NPLOC4: variants seen among roughly 807,000 people sequenced by gnomAD.
The protein encoded by NPLOC4 is nuclear protein localization protein 4 homolog.
In NPLOC4, 18 loss-of-function variants were observed where a neutral mutation model predicts 80.6. The observed-to-expected ratio is 0.22, with a 90% CI of 0.15 to 0.33. The LOEUF (loss-of-function observed/expected upper bound fraction) is 0.33, where lower values mean the gene tolerates loss of function less well. Among genes scored for constraint, NPLOC4 ranks in the 10% least tolerant of loss-of-function variants. The pLI is 1.00. For synonymous variants in NPLOC4, 313 were observed against 301.5 expected (o/e 1.04, Z -0.39); for missense variants, 540 against 786.1 (o/e 0.69, Z 3.74).
Position 81,606,701 on chromosome 17 carries a change from A to G in NPLOC4, c.644T>C (p.Leu215Pro), listed in dbSNP as rs1399510571. Residue 215 changes from leucine to proline, a missense_variant, in exon 7 of 17, where the codon CTG (leucine) becomes CCG (proline). Coordinates refer to ENST00000331134, the MANE Select transcript of NPLOC4 (RefSeq NM_017921.4). ...CTKCQPSAIT[L>P]NRQKYRHVDN... ...CAGGGAACATCTCACCTGTCTGTTC[A>G]GCGTGATGGCGCTCGGCTGGCACTT... The G allele has an allele frequency of 1.2e-6, 2 of 1,613,190 alleles. No homozygotes were observed. Among genetic ancestry groups the G allele is most frequent in the Non-Finnish European group, 8.5e-7 (1 of 1,179,610 alleles).
At chr17:81,581,213 A>C (rs1019139018) in intron 12 of NPLOC4, among the ~76,000 whole-genome samples, 3 of 151,912 alleles carry the variant, frequency 2.0e-5, no homozygotes, top group African/African-American at 7.2e-5. Context: ...TTAGCCAGGC[A>C]TGGTGGCAGG....
intron 5 of NPLOC4, 143 bp downstream of exon 5, chr17:81,610,067 T>C (rs1182848562): frequency 6.3e-6 from 4 of 639,414 alleles, no homozygotes; most frequent in African/African-American, 3.6e-5. Flanking sequence ...ACTAGGGGAA[T>C]ATGAGGCCCA....
intron 4 of NPLOC4, among the ~76,000 whole-genome samples, chr17:81,611,508 C>G (rs1191664932): frequency 6.6e-6 from 1 of 151,398 alleles, no homozygotes; most frequent in African/African-American, 2.4e-5. Context: ...CACCACCATG[C>G]CTGGCTAATT....
intron 14 of NPLOC4, among the ~76,000 whole-genome samples, chr17:81,568,637 C>T (rs1021049540): frequency 5.9e-5 from 9 of 152,234 alleles, no homozygotes; most frequent in African/African-American, 9.6e-5. Context: ...ACGGGAAAGC[C>T]GAGGCCAGGC....
chr17:81,611,721 G>A (rs539476666), intron 4 of NPLOC4, among the ~76,000 whole-genome samples: 8 of 151,762 alleles, frequency 5.3e-5, no homozygotes, highest in Non-Finnish European at 8.8e-5. Flanking sequence ...AGCACTTTGG[G>A]AGGCCGAGGC....
Position 81,557,796 on chromosome 17 carries a change from G to A in NPLOC4, c.*1463C>T, listed in dbSNP as rs1379524789. 1.3e-5 allele frequency: 2 copies of A among 152,258 alleles called. No individual in the cohort carries two copies. The highest frequency in any genetic ancestry group is 2.4e-5 in the African/African-American group (1 of 41,442). The allele number at this position is 152,258 out of a possible 1,614,324, so 9.4% of individuals were successfully genotyped here. On this transcript the variant is annotated 3_prime_UTR_variant, in exon 17 of 17. Coordinates refer to ENST00000331134, the MANE Select transcript of NPLOC4 (RefSeq NM_017921.4). ...GCCGTGACCAGACCCAACCCAACTG[G>A]CCCCTGGTCCCAAGAGCAGATGAGC...
At position 81,630,376 on chromosome 17, in the gene NPLOC4, A is replaced by T. The variant is rs565992376; in HGVS notation, c.16-571T>A. On this transcript the variant is annotated intron_variant, in intron 1 of 16. Transcript: ENST00000331134. ...AATCACAGCTTACTGCAGCCTTGAC[A>T]TCCAAGGTTCAAGTGATCCTCTGAC... is the stretch of plus-strand genomic sequence containing the variant. 3.4e-3 allele frequency among the ~76,000 whole-genome samples: 522 copies of T among 152,072 alleles called. 1 individual carries two copies. The highest frequency in any genetic ancestry group is 6.5e-3 in the Non-Finnish European group (440 of 67,976).
chr17:81,624,871 G>C (rs944609768), intron 2 of NPLOC4, among the ~76,000 whole-genome samples: 6 of 152,194 alleles, frequency 3.9e-5, no homozygotes, highest in African/African-American at 1.2e-4. Flanking sequence ...TGGAAACACG[G>C]AGGCCAGAGG....
chr17:81,598,331 T>C (rs1011490782), intron 9 of NPLOC4, among the ~76,000 whole-genome samples: 1 of 152,072 alleles, frequency 6.6e-6, no homozygotes, highest in Admixed American at 6.5e-5. Context: ...CAGCACCAGC[T>C]CTGCCCAGCA....
At position 81,629,770 on chromosome 17, in the gene NPLOC4, C is replaced by G. The variant is rs770930112; in HGVS notation, c.51G>C (p.Arg17=). ...IRVQSPDGVK[R]ITATKRETAA... is the part of the protein sequence containing the mutation. ...CTGTTTCTCTCTTTGTTGCTGTGAT[C>G]CGCTTCACTCCATCCGGGGACTGGA... The change falls in exon 2 of 17, where the codon CGG becomes CGC. Residue 17 remains arginine (R), a synonymous_variant. Coordinates refer to ENST00000331134, the MANE Select transcript of NPLOC4 (RefSeq NM_017921.4). 3.1e-6 allele frequency: 5 copies of G among 1,613,868 alleles called. No individual in the cohort carries two copies. In the Admixed American group the frequency reaches 8.3e-5, roughly 27 times the overall value.
chr17:81,560,630 C>G (rs376896529), intron 16 of NPLOC4: 4 of 152,366 alleles, frequency 2.6e-5, no homozygotes, highest in Admixed American at 1.3e-4. Flanking sequence ...TGGCGTGAAC[C>G]TGGGAGGCGG....
At chr17:81,616,255 A>G (rs1201940618) in intron 3 of NPLOC4, among the ~76,000 whole-genome samples, 2 of 144,136 alleles carry the variant, frequency 1.4e-5, no homozygotes, top group African/African-American at 2.6e-5. Context: ...CAGGAGGCGG[A>G]GCTTGCAGTG....
chr17:81,636,291 A>G (rs1463809928), intron 1 of NPLOC4: 1 of 152,236 alleles, frequency 6.6e-6, no homozygotes, highest in Non-Finnish European at 1.5e-5. Flanking sequence ...ATTTCAGGTA[A>G]AAAGTGAAAT....
At chr17:81,599,733 C>A (rs2035015054) in intron 9 of NPLOC4, among the ~76,000 whole-genome samples, 1 of 152,176 alleles carries the variant, frequency 6.6e-6, no homozygotes, top group Non-Finnish European at 1.5e-5. Context: ...GGAACTGTAT[C>A]AATGTCAGAT....
In NPLOC4 at chr17:81,600,945, G is replaced by A. The variant is rs34537710; in HGVS notation, c.835-518C>T. Among the ~76,000 whole-genome samples, 1,507 of 152,268 alleles carry A rather than the reference G, an allele frequency of 9.9e-3. 13 individuals carry two copies. The highest frequency in any genetic ancestry group is 0.012 in the Non-Finnish European group (837 of 68,014). ...AGATACTCAGTTACAGGGACACTAT[G>A]AACTCCACAGAGAGCGATGAGCTCA... On this transcript the variant is annotated intron_variant, in intron 8 of 16. Transcript: ENST00000331134.
intron 15 of NPLOC4, 101 bp from the exon 16 acceptor site, chr17:81,565,708 G>T: frequency 1.1e-6 from 1 of 881,436 alleles, no homozygotes; most frequent in Middle Eastern, 3.5e-4. Flanking sequence ...ACGTATTTCT[G>T]AGGACATTTT....
intron 12 of NPLOC4, among the ~76,000 whole-genome samples, chr17:81,579,843 A>G (rs995275180): frequency 6.6e-6 from 1 of 151,892 alleles, no homozygotes; most frequent in Non-Finnish European, 1.5e-5. Context: ...ACCCCCCGAA[A>G]GAGTCATGCA....
At position 81,575,071 on chromosome 17, in the gene NPLOC4, C is replaced by T. The variant is rs560374640; in HGVS notation, c.1282-2983G>A. ...GGATCTGAGCCGCCACAGGATAACT[C>T]AGAAAAAACAAAGCTTTCAGACACT... On this transcript the variant is annotated intron_variant, in intron 12 of 16. Coordinates refer to ENST00000331134, the MANE Select transcript of NPLOC4 (RefSeq NM_017921.4). Among the ~76,000 whole-genome samples the T allele has an allele frequency of 2.0e-5, 3 of 152,208 alleles. No homozygotes were observed. The South Asian group carries it at 6.2e-4, about 32-fold the overall frequency.
rs953853579 is a variant in NPLOC4 at position 81,629,664 on chromosome 17, G to C, written c.96+61C>G. 2.3e-5 allele frequency: 28 copies of C among 1,200,840 alleles called. No individual in the cohort carries two copies. In the Middle Eastern group the frequency reaches 5.7e-4, roughly 25 times the overall value. 74.4% of individuals were successfully genotyped at this position (1,200,840 alleles called of 1,614,324 possible). A position where few individuals can be genotyped will look rare whatever the true frequency, so the allele number is the denominator to read the frequency against. ...AAACGAGGAAAAGAGAAAAGGTATC[G>C]ATGGCAGTAAGAGTAGAGGATGAAA... On this transcript the variant is annotated intron_variant, in intron 2 of 16. Coordinates refer to ENST00000331134, the MANE Select transcript of NPLOC4 (RefSeq NM_017921.4).
Sources: allele counts gnomAD v4.1 joint callset (sites outside exome capture counted in the v4.1 genomes callset), GRCh38; gene constraint gnomAD v4.1.1; transcripts MANE v1.5; gene names NCBI Gene and HGNC (gene_info 2026-07-23, HGNC 2026-07-21).